NFIA: variants seen among roughly 807,000 people sequenced by gnomAD.
NFIA encodes the protein nuclear factor I A, also known as nuclear factor 1 A-type.
In NFIA, 8 loss-of-function variants were observed where a neutral mutation model predicts 62.8. The observed-to-expected ratio is 0.13, with a 90% CI of 0.07 to 0.23. The LOEUF (loss-of-function observed/expected upper bound fraction) is 0.23, where lower values mean the gene tolerates loss of function less well. NFIA is among the 10% of genes least tolerant of loss of function. The probability of loss-of-function intolerance (pLI) is 1.00; values close to 1 mark genes in which losing one functional copy is unlikely to be tolerated. For synonymous variants in NFIA, 235 were observed against 238.1 expected, an observed-to-expected ratio of 0.99 and a Z score of 0.12; for missense variants, 410 against 642.1, an observed-to-expected ratio of 0.64 and a Z score of 3.91.
At position 61,461,720 on chromosome 1, in the gene NFIA, A is replaced by G. The variant is rs1668537608; in HGVS notation, c.*6400A>G. The G allele has an allele frequency of 6.6e-6, 1 of 152,172 alleles. No homozygotes were observed. Among genetic ancestry groups the G allele is most frequent in the Non-Finnish European group, 1.5e-5 (1 of 68,044 alleles). 9.4% of individuals were successfully genotyped at this position (152,172 alleles called of 1,614,324 possible). On this transcript the variant is annotated 3_prime_UTR_variant, in exon 11 of 11. Coordinates refer to ENST00000403491, the MANE Select transcript of NFIA (RefSeq NM_001134673.4). ...AGATGCATTCGCCTATTTGATTCAG[A>G]AAAATAAACTTTCCCAAAATGTGTC... is the stretch of plus-strand genomic sequence containing the variant.
chr1:61,136,121 A>T (rs1211081846), intron 2 of NFIA, among the ~76,000 whole-genome samples: 3 of 152,244 alleles, frequency 2.0e-5, no homozygotes, highest in Non-Finnish European at 4.4e-5. Flanking sequence ...TTATGTCTGC[A>T]TTTAACAGAT....
rs11807843 is a variant in NFIA at position 61,232,126 on chromosome 1, A to G, written c.560-45394A>G. ...TAAAGCAAGTCCACAAAGATTAAAC[A>G]GAACAGAACAGTGATTCTGGATTTT... On this transcript the variant is annotated intron_variant, in intron 2 of 10. Coordinates refer to ENST00000403491, the MANE Select transcript of NFIA (RefSeq NM_001134673.4). Among the ~76,000 whole-genome samples, 461 of 152,216 alleles carry G rather than the reference A, an allele frequency of 3.0e-3. 3 individuals are homozygous for G. Among genetic ancestry groups the G allele is most frequent in the African/African-American group, 0.01 (431 of 41,558 alleles).
chr1:61,444,252 C>T (rs756657152), intron 10 of NFIA, among the ~76,000 whole-genome samples: 1 of 152,160 alleles, frequency 6.6e-6, no homozygotes, highest in African/African-American at 2.4e-5. Context: ...AACTAGAATG[C>T]CTTTTAGGGA....
At chr1:61,096,148 A>G (rs1379947248) in intron 2 of NFIA, among the ~76,000 whole-genome samples, 1 of 152,194 alleles carries the variant, frequency 6.6e-6, no homozygotes, top group Admixed American at 6.5e-5. Context: ...TAAAATAGGA[A>G]AAAAATTGAA....
intron 1 of NFIA, among the ~76,000 whole-genome samples, chr1:61,085,880 G>A (rs1646210569): frequency 6.6e-6 from 1 of 152,066 alleles, no homozygotes; most frequent in African/African-American, 2.4e-5. Context: ...AGATATATGG[G>A]CATTTGGTTG....
At chr1:61,395,289 T>TGTGTG (rs202238675) in intron 7 of NFIA, among the ~76,000 whole-genome samples, 1 of 134,886 alleles carries the variant, frequency 7.4e-6, no homozygotes, top group African/African-American at 2.9e-5. Context: ...TGTGTGTGTG[T>TGTGTG]TTTTTTTTTT....
chr1:61,192,504 A>G (rs1173465686), intron 2 of NFIA, among the ~76,000 whole-genome samples: 23 of 151,766 alleles, frequency 1.5e-4, no homozygotes, highest in Admixed American at 1.4e-3. Context: ...GTTTGAGACC[A>G]GCCTGACCAA....
chr1:61,184,701 C>T (rs1557621294), intron 2 of NFIA, among the ~76,000 whole-genome samples: 1 of 152,164 alleles, frequency 6.6e-6, no homozygotes. Flanking sequence ...GTGATAGGAG[C>T]CGTGCTCCAA....
In NFIA at chr1:61,457,072, C is replaced by T. The variant is rs1324818148; in HGVS notation, c.*1752C>T. 6.6e-6 allele frequency: 1 copy of T among 152,032 alleles called. No individual in the cohort carries two copies. Among genetic ancestry groups the T allele is most frequent in the African/African-American group, 2.4e-5 (1 of 41,400 alleles). The allele number at this position is 152,032 out of a possible 1,614,324, so 9.4% of individuals were successfully genotyped here. A position where few individuals can be genotyped will look rare whatever the true frequency, so the allele number is the denominator to read the frequency against. ...TGCATTAAGACACAATATTGTAATC[C>T]CTACTCTAGGCACTTGCCTTTAAAC... is the stretch of plus-strand genomic sequence containing the variant. On this transcript the variant is annotated 3_prime_UTR_variant, in exon 11 of 11. Coordinates refer to ENST00000403491, the MANE Select transcript of NFIA (RefSeq NM_001134673.4). The surrounding 1 kb of genome is among the most constrained non-coding windows in gnomAD (Gnocchi z 4.2).
At chr1:61,083,772 G>GCCACCA (rs547679724) in intron 1 of NFIA, among the ~76,000 whole-genome samples, 13 of 151,064 alleles carry the variant, frequency 8.6e-5, no homozygotes, top group Admixed American at 2.0e-4. Flanking sequence ...CGCCGCCGCC[G>GCCACCA]CCACCACCAC....
intron 2 of NFIA, among the ~76,000 whole-genome samples, chr1:61,159,699 T>A (rs1649051235): frequency 1.8e-5 from 2 of 109,990 alleles, no homozygotes; most frequent in Admixed American, 9.4e-5. Context: ...TTTTTTTTTT[T>A]GAGATGGAGT....
At chr1:61,364,397 TGAA>T (rs1663473752) in intron 6 of NFIA, among the ~76,000 whole-genome samples, 2 of 152,334 alleles carry the variant, frequency 1.3e-5, no homozygotes, top group Non-Finnish European at 2.9e-5. Context: ...ATTGAATGAA[TGAA>T]GCGATAAAGC....
intron 6 of NFIA, among the ~76,000 whole-genome samples, chr1:61,367,858 CTGTT>C (rs35689666): frequency 0.47 from 70,910 of 151,590 alleles, 16,955 homozygotes; most frequent in East Asian, 0.6. Context: ...ATCCAGAAAA[CTGTT>C]TGGATTCCTG....
rs187198299 is a variant in NFIA, at chr1:61,255,915, A to G, written c.560-21605A>G. Among the ~76,000 whole-genome samples, 378 of 152,294 alleles carry G rather than the reference A, an allele frequency of 2.5e-3. 3 individuals carry two copies. The highest frequency in any genetic ancestry group is 3.6e-3 in the Non-Finnish European group (243 of 68,024). On this transcript the variant is annotated intron_variant, in intron 2 of 10. Transcript: ENST00000403491. ...GGGCTCAAGCTTCCCATGTCAACTA[A>G]TGTGGCCGCTGCTAGGCTGCCCTCG... is the stretch of plus-strand genomic sequence containing the variant.
At chr1:61,116,453 G>T (rs1646794994) in intron 2 of NFIA, among the ~76,000 whole-genome samples, 1 of 152,046 alleles carries the variant, frequency 6.6e-6, no homozygotes, top group Non-Finnish European at 1.5e-5. Context: ...TTGTGCACTT[G>T]ATAAACACTG....
At chr1:61,136,043 C>A (rs78724237) in intron 2 of NFIA, among the ~76,000 whole-genome samples, 6 of 152,176 alleles carry the variant, frequency 3.9e-5, no homozygotes, top group African/African-American at 1.4e-4. Flanking sequence ...GTTGAACTCA[C>A]GAGATATACT....
At chr1:61,353,673 C>T (rs995758476) in intron 5 of NFIA, among the ~76,000 whole-genome samples, 1 of 152,092 alleles carries the variant, frequency 6.6e-6, no homozygotes, top group Admixed American at 6.6e-5. Flanking sequence ...TTTTAAACAT[C>T]ACTACTTTAA....
upstream of NFIA, among the ~76,000 whole-genome samples, chr1:61,081,475 T>C (rs561419426): frequency 2.0e-5 from 3 of 152,356 alleles, no homozygotes; most frequent in South Asian, 2.1e-4. Context: ...TGATAGCCTA[T>C]GTCCAGTTCT....
chr1:61,173,972 G>T (rs1295512822), intron 2 of NFIA, among the ~76,000 whole-genome samples: 3 of 152,192 alleles, frequency 2.0e-5, no homozygotes, highest in Non-Finnish European at 2.9e-5. Flanking sequence ...ATATTATTCT[G>T]TGTTAGGGAA....
Sources: gnomAD v4.1 joint callset for allele counts (sites outside exome capture counted in the v4.1 genomes callset) on GRCh38, gnomAD v4.1.1 for gene constraint, Gnocchi (gnomAD v3.1) non-coding constraint, MANE v1.5 for transcripts, NCBI Gene and HGNC (gene_info 2026-07-23, HGNC 2026-07-21) for gene names.